ADCY2: variants seen among roughly 807,000 people sequenced by gnomAD.
The protein encoded by ADCY2 is adenylate cyclase type 2.
In ADCY2, 31 loss-of-function variants were observed where a neutral mutation model predicts 125.2. The ratio of observed to expected loss-of-function variants is 0.25; its 90% CI spans 0.19 to 0.33. The LOEUF (loss-of-function observed/expected upper bound fraction) is 0.33, where lower values mean the gene tolerates loss of function less well. Among genes scored for constraint, ADCY2 ranks in the 10% least tolerant of loss-of-function variants. ADCY2 has a pLI of 1.00. For missense variants in ADCY2, 904 were observed against 1,418.2 expected (o/e 0.64, Z 5.82); for synonymous variants, 512 against 548.4 (o/e 0.93, Z 0.93).
At chr5:7,488,864 TCTC>T (rs144035249) in intron 2 of ADCY2, among the ~76,000 whole-genome samples, 3,391 of 152,116 alleles carry the variant, frequency 0.022, 107 homozygotes, top group African/African-American at 0.077. Context: ...AAGCTGCAGA[TCTC>T]CTCCTCAGGC....
intron 2 of ADCY2, among the ~76,000 whole-genome samples, chr5:7,485,600 A>ATG: frequency 6.6e-6 from 1 of 152,316 alleles, no homozygotes. Context: ...ACATCTTAAA[A>ATG]TGTGCATTTC....
At chr5:7,696,127 A>C (rs1740884093) in intron 6 of ADCY2, among the ~76,000 whole-genome samples, 2 of 152,216 alleles carry the variant, frequency 1.3e-5, no homozygotes, top group African/African-American at 4.8e-5. Flanking sequence ...CATATAATAA[A>C]TACATTCCAG....
At chr5:7,422,836 A>T (rs1324052206) in intron 2 of ADCY2, among the ~76,000 whole-genome samples, 1 of 152,226 alleles carries the variant, frequency 6.6e-6, no homozygotes, top group Non-Finnish European at 1.5e-5. Flanking sequence ...AATGAAAGAA[A>T]ATAAAGGCCT....
chr5:7,453,362 CCCCCTGATTTATGTTGTTG>C (rs1366806592), intron 2 of ADCY2, among the ~76,000 whole-genome samples: 1 of 152,126 alleles, frequency 6.6e-6, no homozygotes, highest in East Asian at 1.9e-4. Context: ...GTTGTGTTCT[CCCCCTGATTTATGTTGTTG>C]TATGCTTTGT....
intron 19 of ADCY2, among the ~76,000 whole-genome samples, chr5:7,786,820 AG>A: frequency 6.6e-6 from 1 of 152,316 alleles, no homozygotes; most frequent in African/African-American, 2.4e-5. Context: ...AAGAATCTAC[AG>A]GGTCACCAAC....
At chr5:7,663,491 A>ACTGAGAAACT (rs1739608998) in intron 4 of ADCY2, among the ~76,000 whole-genome samples, 2 of 152,244 alleles carry the variant, frequency 1.3e-5, no homozygotes, top group South Asian at 4.1e-4. Context: ...AGGACTGTGC[A>ACTGAGAAACT]CTGTAACTGA....
intron 7 of ADCY2, among the ~76,000 whole-genome samples, chr5:7,699,718 G>T (rs960767640): frequency 6.6e-6 from 1 of 152,082 alleles, no homozygotes; most frequent in African/African-American, 2.4e-5. Flanking sequence ...TTCCCAAGTA[G>T]CTGGGACCAC....
chr5:7,787,103 T>C (rs541577318), intron 19 of ADCY2, among the ~76,000 whole-genome samples: 4 of 152,138 alleles, frequency 2.6e-5, no homozygotes, highest in Non-Finnish European at 1.5e-5. Context: ...TGAAAACCTG[T>C]AGAGTAGCCC....
chr5:7,667,332 C>T (rs1021760422), intron 4 of ADCY2, among the ~76,000 whole-genome samples: 2 of 152,012 alleles, frequency 1.3e-5, no homozygotes, highest in African/African-American at 4.8e-5. Flanking sequence ...TTGCAAAGGT[C>T]GCGTGTTCCA....
chr5:7,714,171 T>C (rs147732425), intron 11 of ADCY2, among the ~76,000 whole-genome samples: 1 of 152,228 alleles, frequency 6.6e-6, no homozygotes, highest in Non-Finnish European at 1.5e-5. Context: ...TGAGGCATAT[T>C]AGAGAGCCCA....
chr5:7,766,632 C>T (rs1156843630), intron 16 of ADCY2, 55 bp from the exon 17 acceptor site: 2 of 1,586,594 alleles, frequency 1.3e-6, no homozygotes, highest in Non-Finnish European at 1.7e-6. Flanking sequence ...CACCCACCTG[C>T]TAGTTATTTA....
chr5:7,589,747 G>A (rs1391193671), intron 3 of ADCY2, among the ~76,000 whole-genome samples: 1 of 152,060 alleles, frequency 6.6e-6, no homozygotes, highest in Non-Finnish European at 1.5e-5. Flanking sequence ...CTCCTCCAGG[G>A]CACAGAGATG....
At chr5:7,412,555 T>C (rs1187375760) in intron 1 of ADCY2, among the ~76,000 whole-genome samples, 1 of 152,190 alleles carries the variant, frequency 6.6e-6, no homozygotes, top group African/African-American at 2.4e-5. Context: ...TTTGCAGCAA[T>C]TGTAAACTGT....
At chr5:7,525,839 A>G (rs1051381596) in intron 3 of ADCY2, among the ~76,000 whole-genome samples, 1 of 152,132 alleles carries the variant, frequency 6.6e-6, no homozygotes, top group African/African-American at 2.4e-5. Flanking sequence ...TATTGGACCA[A>G]TTCGTGTCTG....
intron 2 of ADCY2, among the ~76,000 whole-genome samples, chr5:7,425,393 G>T (rs1002207134): frequency 6.6e-6 from 1 of 152,158 alleles, no homozygotes; most frequent in Admixed American, 6.5e-5. Flanking sequence ...GGATGCTGTT[G>T]TTCTATCCCA....
intron 2 of ADCY2, among the ~76,000 whole-genome samples, chr5:7,500,659 G>T (rs1743527139): frequency 6.6e-6 from 1 of 152,146 alleles, no homozygotes; most frequent in Non-Finnish European, 1.5e-5. Context: ...CAACTGTAAA[G>T]GTCATCAAAA....
chr5:7,756,674 G>A (rs1361945269), intron 15 of ADCY2, among the ~76,000 whole-genome samples: 1 of 152,146 alleles, frequency 6.6e-6, no homozygotes, highest in Non-Finnish European at 1.5e-5. Context: ...CCGGGGGCTG[G>A]GAGGAGGGAG....
intron 14 of ADCY2, among the ~76,000 whole-genome samples, chr5:7,741,702 A>C (rs56253630): frequency 3.6e-3 from 20 of 5,510 alleles, no homozygotes; most frequent in South Asian, 9.1e-3. Context: ...TCATCACCAT[A>C]ACCATCTCTA....
intron 3 of ADCY2, among the ~76,000 whole-genome samples, chr5:7,572,362 ATT>A (rs1193746936): frequency 2.6e-5 from 4 of 151,190 alleles, no homozygotes; most frequent in African/African-American, 9.7e-5. Flanking sequence ...GTGTTAGATG[ATT>A]TTTCATTGTG....
Sources: allele counts gnomAD v4.1 joint callset (sites outside exome capture counted in the v4.1 genomes callset), GRCh38; gene constraint gnomAD v4.1.1; transcripts MANE v1.5; gene names NCBI Gene and HGNC (gene_info 2026-07-23, HGNC 2026-07-21).